The following TRIM49 variants were observed in gnomAD, a reference collection of about 807,000 sequenced individuals.
TRIM49 encodes the protein tripartite motif containing 49, also known as tripartite motif-containing protein 49.
TRIM49 carries 5 observed loss-of-function variants against 27.4 expected under a neutral mutation model. The observed-to-expected ratio is 0.18, with a 90% confidence interval of 0.10 to 0.38. The LOEUF is 0.38. Among genes scored for constraint, TRIM49 ranks in the 10% least tolerant of loss-of-function variants. The pLI is 1.00. For synonymous variants in TRIM49, 69 were observed against 166.0 expected (o/e 0.42, Z 4.49); for missense variants, 188 against 487.5 (o/e 0.39, Z 5.79).
intron 2 of TRIM49, among the ~76,000 whole-genome samples, chr11:89,804,851 G>C (rs1462767041): frequency 6.6e-6 from 1 of 151,210 alleles, no homozygotes; most frequent in African/African-American, 2.4e-5. Context: ...AGAGTGGGAG[G>C]GAAAAAACTA....
chr11:89,792,533 T>C, the TRIM49 span, among the ~76,000 whole-genome samples: 34 of 152,036 alleles, frequency 2.2e-4, no homozygotes, highest in African/African-American at 8.0e-4. Flanking sequence ...ACAGAAATTA[T>C]AACAAACTGT....
chr11:89,769,455 C>T, the TRIM49 span, among the ~76,000 whole-genome samples: 2 of 136,618 alleles, frequency 1.5e-5, no homozygotes, highest in African/African-American at 6.7e-5. Flanking sequence ...TGCCTAGTTA[C>T]CAGTAGCTCT....
the TRIM49 span, among the ~76,000 whole-genome samples, chr11:89,790,984 G>A: frequency 6.6e-6 from 1 of 151,254 alleles, no homozygotes; most frequent in East Asian, 2.0e-4. Flanking sequence ...CCATTGCAAA[G>A]AAGCTAAAAA....
chr11:89,793,377 A>G (rs1395729982), downstream of TRIM49, among the ~76,000 whole-genome samples: 2 of 152,168 alleles, frequency 1.3e-5, no homozygotes, highest in African/African-American at 4.8e-5. Context: ...TCCCTAACTC[A>G]TTTTATGAGG....
In TRIM49 at chr11:89,797,869, GA is replaced by G. The variant is rs551982121; in HGVS notation, c.*260del. 2.7e-5 allele frequency: 3 copies of G among 109,182 alleles called. No homozygotes were observed. Among genetic ancestry groups the G allele is most frequent in the African/African-American group, 5.5e-5 (1 of 18,066 alleles). The allele number at this position is 109,182 out of a possible 1,614,324, so 6.8% of individuals were successfully genotyped here. The stretch of plus-strand genomic sequence containing the variant: ...TCACTCAGTGACAGTCATAAATAAA[GA>G]AAAAAAAGAGAATATACTGTATGCC... On this transcript the variant is annotated 3_prime_UTR_variant, in exon 8 of 8. Transcript: ENST00000329758.
intron 2 of TRIM49, among the ~76,000 whole-genome samples, chr11:89,804,847 G>A (rs1342387865): frequency 6.6e-6 from 1 of 151,308 alleles, no homozygotes; most frequent in African/African-American, 2.4e-5. Context: ...TGAAAGAGTG[G>A]GAGGGAAAAA....
the TRIM49 span, among the ~76,000 whole-genome samples, chr11:89,776,769 A>T: frequency 6.6e-6 from 1 of 151,858 alleles, no homozygotes; most frequent in Non-Finnish European, 1.5e-5. Flanking sequence ...TCCTGAACCA[A>T]ATCTTCAATG....
At chr11:89,786,738 TGTC>T in the TRIM49 span, 1 of 137,780 alleles carries the variant, frequency 7.3e-6, no homozygotes, top group East Asian at 2.1e-4. Context: ...CCAGGAGAGA[TGTC>T]GTCAGACGGA....
chr11:89,770,091 C>G, the TRIM49 span, among the ~76,000 whole-genome samples: 15 of 117,364 alleles, frequency 1.3e-4, no homozygotes, highest in Non-Finnish European at 3.3e-5. Context: ...TCCTCTGATA[C>G]TGAGAAACAA....
At chr11:89,803,556 A>G in intron 4 of TRIM49, 142 bp downstream of exon 4, 1 of 1,502,314 alleles carries the variant, frequency 6.7e-7, no homozygotes, top group Non-Finnish European at 8.9e-7. Flanking sequence ...AAATGAGGCC[A>G]CTTTTTCTCA....
the TRIM49 span, chr11:89,776,918 C>A: frequency 1.7e-4 from 257 of 1,509,506 alleles, 5 homozygotes; most frequent in African/African-American, 3.0e-3. Flanking sequence ...TTTTCCTTTT[C>A]ATCGGGGCAA....
intron 2 of TRIM49, among the ~76,000 whole-genome samples, chr11:89,806,003 C>G (rs555896984): frequency 1.3e-5 from 2 of 150,838 alleles, no homozygotes; most frequent in Non-Finnish European, 2.9e-5. Context: ...TCTAGGCACG[C>G]GCCACAGTGC....
intron 2 of TRIM49, among the ~76,000 whole-genome samples, chr11:89,806,023 C>T (rs575861017): frequency 9.9e-5 from 15 of 150,806 alleles, no homozygotes; most frequent in Admixed American, 7.9e-4. Context: ...CCCAGCCCGG[C>T]GGTTTCATTG....
downstream of TRIM49, among the ~76,000 whole-genome samples, chr11:89,792,950 C>T (rs1470158331): frequency 1.3e-5 from 2 of 152,096 alleles, no homozygotes; most frequent in East Asian, 3.8e-4. Context: ...ATCAGTGAAT[C>T]CAGGAGCTGG....
At chr11:89,796,457 A>G (rs1224782564), downstream of TRIM49, among the ~76,000 whole-genome samples, 2 of 135,034 alleles carry the variant, frequency 1.5e-5, no homozygotes, top group African/African-American at 6.6e-5. Flanking sequence ...ACTGGTCTGG[A>G]ACTCCTGGCC....
At chr11:89,786,719 T>C in the TRIM49 span, 1 of 136,004 alleles carries the variant, frequency 7.4e-6, no homozygotes, top group South Asian at 2.2e-4. Flanking sequence ...ACCAGCAGAG[T>C]CCCAGACCCC....
the TRIM49 span, among the ~76,000 whole-genome samples, chr11:89,780,046 G>T: frequency 9.9e-6 from 1 of 101,456 alleles, no homozygotes; most frequent in Non-Finnish European, 2.1e-5. Context: ...ACTCTAGAGG[G>T]GTGGGAGGTT....
chr11:89,794,558 G>A (rs1210019171), downstream of TRIM49, among the ~76,000 whole-genome samples: 3 of 150,810 alleles, frequency 2.0e-5, no homozygotes, highest in African/African-American at 7.3e-5. Flanking sequence ...CAATGGAATA[G>A]AACAGAGCCC....
chr11:89,783,583 A>C, the TRIM49 span, among the ~76,000 whole-genome samples: 1 of 128,128 alleles, frequency 7.8e-6, no homozygotes, highest in Admixed American at 7.5e-5. Context: ...GGGGTAGAGG[A>C]GCAGGACTTA....
Sources: allele counts gnomAD v4.1 joint callset (sites outside exome capture counted in the v4.1 genomes callset), GRCh38; gene constraint gnomAD v4.1.1; transcripts MANE v1.5; gene names NCBI Gene and HGNC (gene_info 2026-07-23, HGNC 2026-07-21).